Variants in SPPL3 observed in about 807,000 individuals in gnomAD.
SPPL3 encodes signal peptide peptidase like 3, also known as signal peptide peptidase-like 3.
Under a neutral mutation model 42.4 loss-of-function variants are expected in SPPL3, and 5 were observed. The observed-to-expected ratio is 0.12, with a 90% CI of 0.06 to 0.25. The LOEUF (loss-of-function observed/expected upper bound fraction) is 0.25, where lower values mean the gene tolerates loss of function less well. Ranked by LOEUF, SPPL3 falls within the 10% of genes least tolerant of loss-of-function variation. SPPL3 has a pLI of 1.00. For missense variants in SPPL3, 235 were observed against 489.0 expected, an observed-to-expected ratio of 0.48 and a Z score of 4.90; for synonymous variants, 195 against 181.8, an observed-to-expected ratio of 1.07 and a Z score of -0.58.
chr12:120,902,554 A>T (rs1193345860), intron 1 of SPPL3, among the ~76,000 whole-genome samples: 1 of 152,170 alleles, frequency 6.6e-6, no homozygotes, highest in East Asian at 1.9e-4. Flanking sequence ...AATTCCCTCT[A>T]TTTTATAGGT....
At chr12:120,834,242 C>A (rs1566055612) in intron 1 of SPPL3, among the ~76,000 whole-genome samples, 1 of 152,180 alleles carries the variant, frequency 6.6e-6, no homozygotes, top group Non-Finnish European at 1.5e-5. Flanking sequence ...CATTTTTACT[C>A]CTTGTAGCTG....
In SPPL3 at chr12:120,806,577, G is replaced by C. The variant is rs191853775; in HGVS notation, c.101+4232C>G. On this transcript the variant is annotated intron_variant, in intron 2 of 10. Transcript: ENST00000353487. Reference sequence around the variant, plus strand: ...AAGAAAACGTAGGAGAGCCAGGCGCGGTGGCTCACGCCTGTAATCCCAGTA... The same window carrying C: ...AAGAAAACGTAGGAGAGCCAGGCGCCGTGGCTCACGCCTGTAATCCCAGTA... Among the ~76,000 whole-genome samples the C allele has an allele frequency of 2.3e-3, 349 of 152,166 alleles. 1 individual carries two copies. The highest frequency in any genetic ancestry group is 7.8e-3 in the African/African-American group (325 of 41,522).
intron 1 of SPPL3, among the ~76,000 whole-genome samples, chr12:120,856,108 TA>T (rs1872448119): frequency 6.6e-6 from 1 of 152,170 alleles, no homozygotes; most frequent in South Asian, 2.1e-4. Context: ...CTAAGGAACT[TA>T]ATCTGTAGTT....
At chr12:120,897,892 T>G (rs1033406490) in intron 1 of SPPL3, among the ~76,000 whole-genome samples, 17 of 151,882 alleles carry the variant, frequency 1.1e-4, no homozygotes, top group African/African-American at 4.1e-4. Context: ...CCACTAGATA[T>G]GGAGACCTGT....
At chr12:120,845,067 TA>T in intron 1 of SPPL3, 1 of 305,758 alleles carries the variant, frequency 3.3e-6, no homozygotes. Flanking sequence ...GCCACGAGAG[TA>T]AAGCAGAGGG....
chr12:120,792,206 G>T (rs1261315541), intron 2 of SPPL3, among the ~76,000 whole-genome samples: 1 of 152,184 alleles, frequency 6.6e-6, no homozygotes, highest in Admixed American at 6.5e-5. Flanking sequence ...GAACAGGAAG[G>T]CCTCACTGAC....
chr12:120,825,992 T>G (rs532942445), intron 1 of SPPL3, among the ~76,000 whole-genome samples: 65 of 92,918 alleles, frequency 7.0e-4, no homozygotes, highest in African/African-American at 1.7e-3. Context: ...GTCAAGAGAA[T>G]GAAAGCAGGG....
chr12:120,765,137 TAAAAA>T (rs869088981), intron 10 of SPPL3, 67 bp from the exon 11 acceptor site: 1 of 1,196,686 alleles, frequency 8.4e-7, no homozygotes, highest in Non-Finnish European at 1.1e-6. Context: ...TCTGATTCTT[TAAAAA>T]AAAAAAATTT....
intron 2 of SPPL3, among the ~76,000 whole-genome samples, chr12:120,802,869 C>T (rs1359757381): frequency 6.6e-6 from 1 of 152,234 alleles, no homozygotes; most frequent in African/African-American, 2.4e-5. Context: ...TAAACAACAA[C>T]ATCCTGTTGC....
chr12:120,825,051 A>G (rs1871197620), intron 1 of SPPL3, among the ~76,000 whole-genome samples: 1 of 151,812 alleles, frequency 6.6e-6, no homozygotes, highest in African/African-American at 2.4e-5. Flanking sequence ...ATATGACACT[A>G]CCTTAAGTCT....
At chr12:120,778,959 A>G (rs907223352) in intron 6 of SPPL3, among the ~76,000 whole-genome samples, 5 of 152,120 alleles carry the variant, frequency 3.3e-5, no homozygotes, top group Non-Finnish European at 5.9e-5. Context: ...GTTAATTCAT[A>G]TATTTGATGC....
chr12:120,869,052 T>G (rs1566065378), intron 1 of SPPL3, among the ~76,000 whole-genome samples: 1 of 152,114 alleles, frequency 6.6e-6, no homozygotes, highest in Non-Finnish European at 1.5e-5. Flanking sequence ...AACTATAATA[T>G]GGGGAATAAA....
chr12:120,844,484 T>G (rs552320489), intron 1 of SPPL3, among the ~76,000 whole-genome samples: 1 of 152,264 alleles, frequency 6.6e-6, no homozygotes, highest in Admixed American at 6.5e-5. Flanking sequence ...AGCTCCTGTC[T>G]ACCTATCTGA....
intron 7 of SPPL3, 21 bp from the exon 8 acceptor site, chr12:120,768,509 C>T (rs766625764): frequency 1.9e-6 from 3 of 1,599,652 alleles, no homozygotes; most frequent in Non-Finnish European, 2.6e-6. Flanking sequence ...GGAGAGATGC[C>T]TTTAACAGAG....
At chr12:120,806,771 C>A (rs1014429491) in intron 2 of SPPL3, among the ~76,000 whole-genome samples, 1 of 151,148 alleles carries the variant, frequency 6.6e-6, no homozygotes, top group African/African-American at 2.4e-5. Flanking sequence ...GGCGTGAAGC[C>A]GGGAGGCAGA....
At chr12:120,813,100 A>G (rs1015548615) in intron 1 of SPPL3, among the ~76,000 whole-genome samples, 2 of 152,138 alleles carry the variant, frequency 1.3e-5, no homozygotes, top group African/African-American at 4.8e-5. Flanking sequence ...GAGGGTAAAT[A>G]TAAGGATAAG....
At chr12:120,804,717 C>T (rs10774569) in intron 2 of SPPL3, among the ~76,000 whole-genome samples, 29,492 of 151,982 alleles carry the variant, frequency 0.19, 4,519 homozygotes, top group African/African-American at 0.41. Context: ...TAAGAGTTAC[C>T]ATTAGACCCA....
At chr12:120,851,274 C>T (rs1210525538) in intron 1 of SPPL3, among the ~76,000 whole-genome samples, 1 of 152,186 alleles carries the variant, frequency 6.6e-6, no homozygotes, top group Non-Finnish European at 1.5e-5. Context: ...TACCACTTCT[C>T]CTCCACCAGG....
intron 1 of SPPL3, among the ~76,000 whole-genome samples, chr12:120,863,775 A>T (rs964174189): frequency 1.3e-5 from 2 of 148,988 alleles, no homozygotes; most frequent in Admixed American, 1.3e-4. Context: ...CCAAGTAGCT[A>T]GGCCCACAGG....
Sources: allele counts gnomAD v4.1 joint callset (sites outside exome capture counted in the v4.1 genomes callset), GRCh38; gene constraint gnomAD v4.1.1; transcripts MANE v1.5; gene names NCBI Gene and HGNC (gene_info 2026-07-23, HGNC 2026-07-21).